The following CPQ variants were observed in gnomAD, a reference collection of about 807,000 sequenced individuals.
The protein encoded by CPQ is Ser-Met dipeptidase.
Under a neutral mutation model 45.7 loss-of-function variants are expected in CPQ, and 37 were observed. The observed-to-expected ratio is 0.81, with a 90% CI of 0.62 to 1.07. CPQ has a LOEUF of 1.07. Among genes scored for constraint, CPQ ranks in the 50% least tolerant of loss-of-function variants. The pLI, the probability that CPQ is intolerant of heterozygous loss-of-function variation, is 0.00. For synonymous variants in CPQ, 186 were observed against 205.8 expected (o/e 0.90, Z 0.82); for missense variants, 537 against 572.9 (o/e 0.94, Z 0.64).
chr8:96,934,451 C>T (rs147996742), intron 4 of CPQ, among the ~76,000 whole-genome samples: 4 of 152,220 alleles, frequency 2.6e-5, no homozygotes, highest in African/African-American at 7.2e-5. Flanking sequence ...GTATGTCAGC[C>T]GCTTCCCTCA....
intron 1 of CPQ, among the ~76,000 whole-genome samples, chr8:96,667,173 T>G (rs1407932523): frequency 6.6e-6 from 1 of 152,154 alleles, no homozygotes; most frequent in Non-Finnish European, 1.5e-5. Flanking sequence ...GGTGAGTGTC[T>G]GAAGACCTAG....
At chr8:96,794,697 A>T (rs1810902160) in intron 2 of CPQ, among the ~76,000 whole-genome samples, 1 of 152,104 alleles carries the variant, frequency 6.6e-6, no homozygotes, top group Non-Finnish European at 1.5e-5. Context: ...ATAAAACTGA[A>T]TGCCTTTAAC....
chr8:96,909,120 A>G (rs184275492), intron 4 of CPQ, among the ~76,000 whole-genome samples: 50 of 152,262 alleles, frequency 3.3e-4, no homozygotes, highest in African/African-American at 1.1e-3. Flanking sequence ...TGTGCCTTCA[A>G]TGAAGGGGCA....
At chr8:96,984,476 CTTCTATGTGAGGACAGT>C (rs1354244210) in intron 5 of CPQ, among the ~76,000 whole-genome samples, 1 of 152,114 alleles carries the variant, frequency 6.6e-6, no homozygotes, top group Admixed American at 6.6e-5. Context: ...TCCCTTCTGT[CTTCTATGTGAGGACAGT>C]TTCTCCCCTC....
chr8:97,038,621 G>C (rs957774694), intron 6 of CPQ, among the ~76,000 whole-genome samples: 1 of 151,926 alleles, frequency 6.6e-6, no homozygotes, highest in African/African-American at 2.4e-5. Context: ...TCAATCACCA[G>C]CACTATTTTA....
chr8:96,896,589 T>G (rs1162042090), intron 4 of CPQ, among the ~76,000 whole-genome samples: 1 of 152,202 alleles, frequency 6.6e-6, no homozygotes, highest in East Asian at 1.9e-4. Flanking sequence ...GAGCACTGAT[T>G]GCTCATCAGA....
intron 4 of CPQ, among the ~76,000 whole-genome samples, chr8:96,902,688 T>C (rs1311358347): frequency 6.6e-6 from 1 of 152,182 alleles, no homozygotes. Context: ...CAACTTGGAG[T>C]TTCTGGCTCT....
chr8:96,990,048 C>T (rs1809061149), intron 5 of CPQ, among the ~76,000 whole-genome samples: 1 of 152,046 alleles, frequency 6.6e-6, no homozygotes. Context: ...GCTGTGTCCT[C>T]CTCAAACCAC....
At chr8:96,950,028 GA>G (rs1160440254) in intron 4 of CPQ, among the ~76,000 whole-genome samples, 2 of 152,232 alleles carry the variant, frequency 1.3e-5, no homozygotes, top group African/African-American at 4.8e-5. Flanking sequence ...ATGTTGACCA[GA>G]AGTCTCACCA....
At chr8:97,049,644 A>G (rs1444067961) in intron 6 of CPQ, among the ~76,000 whole-genome samples, 1 of 152,224 alleles carries the variant, frequency 6.6e-6, no homozygotes, top group Non-Finnish European at 1.5e-5. Flanking sequence ...AGGATCGTCA[A>G]TTGTTAGTGG....
At chr8:97,106,727 T>G (rs550097160) in intron 7 of CPQ, among the ~76,000 whole-genome samples, 1 of 152,018 alleles carries the variant, frequency 6.6e-6, no homozygotes, top group African/African-American at 2.4e-5. Context: ...TTGGGCCAGA[T>G]GGATCGCAAG....
At chr8:96,847,511 AG>A (rs1428749106) in intron 3 of CPQ, among the ~76,000 whole-genome samples, 4 of 152,222 alleles carry the variant, frequency 2.6e-5, no homozygotes, top group African/African-American at 9.6e-5. Context: ...TTAATGTAAA[AG>A]TTAGCATTAC....
At chr8:96,907,188 A>G (rs894068679) in intron 4 of CPQ, among the ~76,000 whole-genome samples, 11 of 152,228 alleles carry the variant, frequency 7.2e-5, no homozygotes, top group Non-Finnish European at 1.5e-4. Flanking sequence ...CTGCTCATGT[A>G]GCAATCCTGG....
rs577105379 is a variant in CPQ, at chr8:96,701,124, T to C, written c.-35+55722T>C. 2.0e-5 allele frequency among the ~76,000 whole-genome samples: 3 copies of C among 152,218 alleles called. No homozygotes were observed. In the South Asian group the frequency reaches 6.2e-4, roughly 32 times the overall value. On this transcript the variant is annotated intron_variant, in intron 1 of 7. Transcript: ENST00000220763. ...TGTACAATAACCTGGTTATATACAA[T>C]ATAGTGGAAAGAAAATAGATTAAGT...
At chr8:97,133,438 A>G (rs1225467923) in intron 7 of CPQ, 1 of 152,222 alleles carries the variant, frequency 6.6e-6, no homozygotes, top group Non-Finnish European at 1.5e-5. Flanking sequence ...GAAGCATATG[A>G]ACGTGATTGT....
intron 2 of CPQ, among the ~76,000 whole-genome samples, chr8:96,807,178 T>A (rs940904458): frequency 2.6e-5 from 4 of 152,160 alleles, no homozygotes; most frequent in Admixed American, 6.5e-5. Context: ...TTTATCACAC[T>A]GCTGATCCCT....
intron 7 of CPQ, among the ~76,000 whole-genome samples, chr8:97,108,943 A>G (rs1290209221): frequency 2.0e-5 from 3 of 152,188 alleles, no homozygotes; most frequent in Non-Finnish European, 4.4e-5. Flanking sequence ...CCAACGTCCA[A>G]CACAAAATGT....
At chr8:96,844,048 TTTTA>T (rs1339509806) in intron 3 of CPQ, among the ~76,000 whole-genome samples, 3 of 152,234 alleles carry the variant, frequency 2.0e-5, no homozygotes, top group African/African-American at 7.2e-5. Flanking sequence ...TTTTCAGCTT[TTTTA>T]TTTATCAAAA....
intron 7 of CPQ, among the ~76,000 whole-genome samples, chr8:97,083,486 T>G (rs983591556): frequency 2.6e-5 from 4 of 152,172 alleles, no homozygotes; most frequent in Non-Finnish European, 5.9e-5. Flanking sequence ...TCAGTGTCCT[T>G]GTTTAGGAAA....
Sources: allele counts gnomAD v4.1 joint callset (sites outside exome capture counted in the v4.1 genomes callset), GRCh38; gene constraint gnomAD v4.1.1; transcripts MANE v1.5; gene names NCBI Gene and HGNC (gene_info 2026-07-23, HGNC 2026-07-21).